CD38: variants seen among roughly 807,000 people sequenced by gnomAD.
CD38 encodes the protein CD38 molecule.
Under a neutral mutation model 36.3 loss-of-function variants are expected in CD38, and 31 were observed. That is an observed-to-expected ratio of 0.85 (90% CI 0.64 to 1.15). The LOEUF (loss-of-function observed/expected upper bound fraction) is 1.15, where lower values mean the gene tolerates loss of function less well. Ranked by LOEUF, CD38 falls within the 50% of genes most tolerant of loss-of-function variation. The probability of loss-of-function intolerance (pLI) is 0.00; values close to 1 mark genes in which losing one functional copy is unlikely to be tolerated. For missense variants in CD38, 380 were observed against 371.9 expected (o/e 1.02, Z -0.18); for synonymous variants, 131 against 135.2 (o/e 0.97, Z 0.22).
chr4:15,805,228 A>T (rs998377772), intron 1 of CD38, among the ~76,000 whole-genome samples: 1 of 152,142 alleles, frequency 6.6e-6, no homozygotes, highest in African/African-American at 2.4e-5. Context: ...TAAAAAACAA[A>T]GTTTTAAAAA....
intron 4 of CD38, among the ~76,000 whole-genome samples, chr4:15,836,297 A>G (rs1409485651): frequency 6.6e-6 from 1 of 152,178 alleles, no homozygotes; most frequent in Non-Finnish European, 1.5e-5. Context: ...TACATGGCAG[A>G]GGCAGAGGGG....
intron 3 of CD38, among the ~76,000 whole-genome samples, chr4:15,826,438 T>C (rs995805393): frequency 6.7e-6 from 1 of 149,432 alleles, no homozygotes; most frequent in African/African-American, 2.5e-5. Flanking sequence ...TATGTCATTA[T>C]TGTAAGAAAC....
At chr4:15,828,640 C>T (rs1723898073) in intron 3 of CD38, among the ~76,000 whole-genome samples, 1 of 152,174 alleles carries the variant, frequency 6.6e-6, no homozygotes, top group African/African-American at 2.4e-5. Flanking sequence ...TATATTGTCA[C>T]AAATGACAGA....
At position 15,851,242 on chromosome 4, in the gene CD38, A is replaced by G. The variant is rs1724378532; in HGVS notation, c.*2640A>G. On this transcript the variant is annotated 3_prime_UTR_variant, in exon 8 of 8. Coordinates refer to ENST00000226279, the MANE Select transcript of CD38 (RefSeq NM_001775.4). ...TTCCCCCTGTAGTTCCAACGTGGGT[A>G]TCTTTGCCATCTCTGGCCCGAAGGA... The G allele has an allele frequency of 6.6e-6, 1 of 152,202 alleles. No individual in the cohort carries two copies. The highest frequency in any genetic ancestry group is 2.4e-5 in the African/African-American group (1 of 41,446). The allele number at this position is 152,202 out of a possible 1,614,324, so 9.4% of individuals were successfully genotyped here.
chr4:15,836,906 A>C (rs1315826978), intron 4 of CD38, among the ~76,000 whole-genome samples: 1 of 152,236 alleles, frequency 6.6e-6, no homozygotes, highest in Non-Finnish European at 1.5e-5. Flanking sequence ...AATGGAAATC[A>C]AAATATACTT....
At chr4:15,848,075 G>A (rs1424701956) in intron 7 of CD38, among the ~76,000 whole-genome samples, 9 of 152,116 alleles carry the variant, frequency 5.9e-5, no homozygotes, top group South Asian at 2.1e-4. Flanking sequence ...CCCATTCCTC[G>A]CTATCCACCA....
intron 2 of CD38, among the ~76,000 whole-genome samples, chr4:15,820,823 T>C (rs931468168): frequency 6.6e-6 from 1 of 152,200 alleles, no homozygotes; most frequent in African/African-American, 2.4e-5. Flanking sequence ...TGAACTCAGC[T>C]CAGGATCAAG....
intron 1 of CD38, among the ~76,000 whole-genome samples, chr4:15,781,680 C>A (rs78038113): frequency 1.3e-5 from 2 of 152,310 alleles, no homozygotes; most frequent in African/African-American, 4.8e-5. Context: ...AGTCTCCTGA[C>A]TTAAAATCTA....
In CD38 at chr4:15,852,684, C is replaced by A. The variant is rs1282988070; in HGVS notation, c.*4082C>A. 1 of 152,090 alleles carries A rather than the reference C, an allele frequency of 6.6e-6. No homozygotes were observed. Among genetic ancestry groups the A allele is most frequent in the Non-Finnish European group, 1.5e-5 (1 of 68,026 alleles). The allele number at this position is 152,090 out of a possible 1,614,324, so 9.4% of individuals were successfully genotyped here. On this transcript the variant is annotated 3_prime_UTR_variant, in exon 8 of 8. Transcript: ENST00000226279. ...TCATCATTTTAGTATGTATTTTAAGCAATCCACCAAGAACTCAGTAGGCAG... is the reference window on the plus strand; with the variant it reads ...TCATCATTTTAGTATGTATTTTAAGAAATCCACCAAGAACTCAGTAGGCAG...
At chr4:15,816,685 C>T in intron 2 of CD38, 45 bp downstream of exon 2, 1 of 1,601,038 alleles carries the variant, frequency 6.2e-7, no homozygotes, top group East Asian at 2.2e-5. Flanking sequence ...GGATAAAAGC[C>T]AATGGTAACA....
chr4:15,795,181 A>G (rs1213686022), intron 1 of CD38, among the ~76,000 whole-genome samples: 2 of 152,176 alleles, frequency 1.3e-5, no homozygotes, highest in Admixed American at 6.6e-5. Context: ...GAGAAAAAAC[A>G]GGAAACTCAA....
rs1724357756 is a variant in CD38 at position 15,850,334 on chromosome 4, G to C, written c.*1732G>C. ...AAAATAAAGAAAATAAACCATATGT[G>C]TTGAACAAAGGATTAATAAATTAAT... is the stretch of plus-strand genomic sequence containing the variant. On this transcript the variant is annotated 3_prime_UTR_variant, in exon 8 of 8. Transcript: ENST00000226279. 6.6e-6 allele frequency: 1 copy of C among 152,114 alleles called. No individual in the cohort carries two copies. Among genetic ancestry groups the C allele is most frequent in the Non-Finnish European group, 1.5e-5 (1 of 68,020 alleles). 9.4% of individuals were successfully genotyped at this position (152,114 alleles called of 1,614,324 possible).
chr4:15,834,224 C>A lies in CD38; in HGVS notation c.507C>A (p.Asn169Lys), dbSNP rs1472986644. The A allele has an allele frequency of 1.2e-6, 2 of 1,600,998 alleles. No individual in the cohort carries two copies. The highest frequency in any genetic ancestry group is 3.3e-5 in the Admixed American group (2 of 60,000). ...ACAAACTATGTCTTTTAGAAATAAA[C>A]TATCAATCTTGCCCAGACTGGAGAA... ...WCGEFNTSKI[N>K]YQSCPDWRKD... Residue 169 changes from asparagine (N) to lysine (K), a missense_variant, in exon 4 of 8, where the codon AAC becomes AAA. Transcript: ENST00000226279.
At chr4:15,786,351 T>C (rs2148914047) in intron 1 of CD38, among the ~76,000 whole-genome samples, 1 of 152,352 alleles carries the variant, frequency 6.6e-6, no homozygotes, top group South Asian at 2.1e-4. Flanking sequence ...AGGGTGCTGA[T>C]TGGTGCATTT....
At chr4:15,793,815 G>T (rs1234052878) in intron 1 of CD38, among the ~76,000 whole-genome samples, 1 of 152,178 alleles carries the variant, frequency 6.6e-6, no homozygotes, top group African/African-American at 2.4e-5. Context: ...CATGTGATTT[G>T]CCATGGGCTA....
intron 1 of CD38, among the ~76,000 whole-genome samples, chr4:15,812,250 T>C (rs899077309): frequency 6.6e-6 from 1 of 152,206 alleles, no homozygotes; most frequent in African/African-American, 2.4e-5. Context: ...ACTTTGGTCT[T>C]CTTTTTCAGG....
At chr4:15,796,579 C>G (rs950195211) in intron 1 of CD38, among the ~76,000 whole-genome samples, 1 of 152,052 alleles carries the variant, frequency 6.6e-6, no homozygotes, top group Non-Finnish European at 1.5e-5. Flanking sequence ...TGTTTTACAT[C>G]TTTTTTCTAG....
At chr4:15,826,461 A>ACGCGCG (rs1553874518) in intron 3 of CD38, among the ~76,000 whole-genome samples, 6 of 80,030 alleles carry the variant, frequency 7.5e-5, no homozygotes, top group African/African-American at 8.7e-5. Flanking sequence ...TTTTGTGCGC[A>ACGCGCG]CACACACACA....
chr4:15,838,582 C>G (rs1326676392), intron 5 of CD38, among the ~76,000 whole-genome samples: 1 of 152,176 alleles, frequency 6.6e-6, no homozygotes, highest in East Asian at 1.9e-4. Flanking sequence ...CTTGACCCTC[C>G]TCTCCTCCAG....
Sources: allele counts gnomAD v4.1 joint callset (sites outside exome capture counted in the v4.1 genomes callset), GRCh38; gene constraint gnomAD v4.1.1; transcripts MANE v1.5; gene names NCBI Gene and HGNC (gene_info 2026-07-23, HGNC 2026-07-21).